VWA8: variants seen among roughly 807,000 people sequenced by gnomAD.
VWA8 encodes the protein von Willebrand factor A domain-containing protein 8.
In VWA8, 221 loss-of-function variants were observed where a neutral mutation model predicts 241.5. The ratio of observed to expected loss-of-function variants is 0.91; its 90% CI spans 0.82 to 1.02. The LOEUF is 1.02. VWA8 is among the 50% of genes least tolerant of loss of function. VWA8 has a pLI of 0.00. For synonymous variants in VWA8, 852 were observed against 827.1 expected, an observed-to-expected ratio of 1.03 and a Z score of -0.52; for missense variants, 2,322 against 2,328.7, an observed-to-expected ratio of 1.00 and a Z score of 0.06.
chr13:41,738,825 G>A (rs945877437), intron 21 of VWA8, among the ~76,000 whole-genome samples: 3 of 152,090 alleles, frequency 2.0e-5, no homozygotes, highest in Non-Finnish European at 2.9e-5. Flanking sequence ...ATGGAAGAAT[G>A]AAATAAGGAT....
chr13:41,644,020 T>C (rs2044814179), intron 37 of VWA8, among the ~76,000 whole-genome samples: 1 of 152,064 alleles, frequency 6.6e-6, no homozygotes, highest in Non-Finnish European at 1.5e-5. Context: ...TTTTTTCTTA[T>C]TATAGGTAAA....
intron 35 of VWA8, among the ~76,000 whole-genome samples, chr13:41,677,523 G>A (rs1290217174): frequency 6.6e-6 from 1 of 152,166 alleles, no homozygotes; most frequent in Admixed American, 6.5e-5. Flanking sequence ...CAGCTGGAGA[G>A]TGATGGAGAT....
intron 12 of VWA8, among the ~76,000 whole-genome samples, chr13:41,850,169 T>G (rs1052944132): frequency 6.6e-6 from 1 of 152,218 alleles, no homozygotes; most frequent in Non-Finnish European, 1.5e-5. Context: ...TGGATTTGGC[T>G]TTACTGTAAT....
At chr13:41,685,377 T>C in intron 34 of VWA8, 135 bp from the exon 35 acceptor site, 4 of 862,806 alleles carry the variant, frequency 4.6e-6, no homozygotes, top group Non-Finnish European at 6.9e-6. Flanking sequence ...AATTATTGGC[T>C]GGGTACAGTG....
chr13:41,640,272 A>G (rs554413261), intron 37 of VWA8, among the ~76,000 whole-genome samples: 17 of 152,186 alleles, frequency 1.1e-4, no homozygotes, highest in East Asian at 3.9e-4. Flanking sequence ...ACAGGAGCCA[A>G]CTTCTGCTCT....
At chr13:41,854,741 G>A (rs1171590388) in intron 12 of VWA8, among the ~76,000 whole-genome samples, 1 of 152,112 alleles carries the variant, frequency 6.6e-6, no homozygotes, top group Non-Finnish European at 1.5e-5. Flanking sequence ...AATGATAAGT[G>A]CCATGAAAAA....
chr13:41,818,986 G>C (rs1446808986), intron 15 of VWA8, among the ~76,000 whole-genome samples: 2 of 152,144 alleles, frequency 1.3e-5, no homozygotes, highest in Admixed American at 1.3e-4. Flanking sequence ...AGATCTACTA[G>C]CTCAAAAACT....
chr13:41,654,296 T>C (rs2044887179), intron 37 of VWA8, among the ~76,000 whole-genome samples: 1 of 152,058 alleles, frequency 6.6e-6, no homozygotes, highest in Non-Finnish European at 1.5e-5. Flanking sequence ...AAGGAAAAAA[T>C]AGTAATGTCA....
Position 41,904,956 on chromosome 13 carries a change from G to T in VWA8, c.483+2630C>A, listed in dbSNP as rs12585942. On this transcript the variant is annotated intron_variant, in intron 4 of 44. Coordinates refer to ENST00000379310, the MANE Select transcript of VWA8 (RefSeq NM_015058.2). ...CTTTCTTACCACGTGAAAAATGCAGGTTGTTCATTCTAAAAATAAATATAA... is the reference window on the plus strand; with the variant it reads ...CTTTCTTACCACGTGAAAAATGCAGTTTGTTCATTCTAAAAATAAATATAA... 5.0e-3 allele frequency among the ~76,000 whole-genome samples: 764 copies of T among 152,070 alleles called. 41 individuals carry two copies. The East Asian group carries it at 0.13, about 26-fold the overall frequency.
chr13:41,869,426 G>A (rs1393757392), intron 9 of VWA8, among the ~76,000 whole-genome samples: 1 of 151,918 alleles, frequency 6.6e-6, no homozygotes, highest in African/African-American at 2.4e-5. Flanking sequence ...CTGAGGTCAG[G>A]AGTTCGACAC....
chr13:41,591,663 A>G (rs2139647940), intron 40 of VWA8, among the ~76,000 whole-genome samples: 1 of 151,194 alleles, frequency 6.6e-6, no homozygotes, highest in Middle Eastern at 3.4e-3. Flanking sequence ...AAGGACATGA[A>G]CAGACACTTC....
intron 12 of VWA8, chr13:41,864,537 T>C: frequency 2.5e-6 from 1 of 401,510 alleles, no homozygotes; most frequent in Non-Finnish European, 4.9e-6. Context: ...ACAACATGGA[T>C]AAATCTTGAA....
At chr13:41,642,732 C>T (rs1170104275) in intron 37 of VWA8, among the ~76,000 whole-genome samples, 2 of 151,300 alleles carry the variant, frequency 1.3e-5, no homozygotes, top group East Asian at 3.9e-4. Flanking sequence ...AGTTTGAGAC[C>T]AGCCTGACCA....
chr13:41,838,733 G>A (rs1219928736), intron 12 of VWA8, among the ~76,000 whole-genome samples: 1 of 152,070 alleles, frequency 6.6e-6, no homozygotes, highest in East Asian at 1.9e-4. Flanking sequence ...AACATAAAGA[G>A]TGACACTAAA....
Position 41,691,304 on chromosome 13 carries a change from A to G in VWA8, c.3866+16T>C. 1 of 1,611,058 alleles carries G rather than the reference A, an allele frequency of 6.2e-7. No individual in the cohort carries two copies. The highest frequency in any genetic ancestry group is 8.5e-7 in the Non-Finnish European group (1 of 1,177,996). The stretch of plus-strand genomic sequence containing the variant: ...GCTACAACATACTCCATGATACACT[A>G]TATAAAGCCACTCACTGATTTGTTT... On this transcript the variant is annotated intron_variant, in intron 32 of 44. Transcript: ENST00000379310.
intron 36 of VWA8, 74 bp downstream of exon 36, chr13:41,675,141 A>G: frequency 2.8e-6 from 3 of 1,089,556 alleles, no homozygotes; most frequent in Non-Finnish European, 4.1e-6. Context: ...GTACTCATTT[A>G]TTCAGAGTAC....
chr13:41,635,544 A>T (rs1482936831), intron 37 of VWA8, among the ~76,000 whole-genome samples: 1 of 152,232 alleles, frequency 6.6e-6, no homozygotes, highest in East Asian at 1.9e-4. Flanking sequence ...TTATTTAACA[A>T]GCCCTGGCTA....
chr13:41,850,029 A>G (rs1457308148), intron 12 of VWA8, among the ~76,000 whole-genome samples: 6 of 152,162 alleles, frequency 3.9e-5, no homozygotes, highest in Admixed American at 1.3e-4. Flanking sequence ...AGAGTTCCCA[A>G]ATTTGAAGTT....
At chr13:41,762,256 G>A (rs1453849857) in intron 20 of VWA8, among the ~76,000 whole-genome samples, 1 of 152,082 alleles carries the variant, frequency 6.6e-6, no homozygotes, top group Non-Finnish European at 1.5e-5. Context: ...CCCATACTGT[G>A]CCAGGCTGTA....
Sources: gnomAD v4.1 joint callset for allele counts (sites outside exome capture counted in the v4.1 genomes callset) on GRCh38, gnomAD v4.1.1 for gene constraint, MANE v1.5 for transcripts, NCBI Gene and HGNC (gene_info 2026-07-23, HGNC 2026-07-21) for gene names.